SMIM31: variants seen among roughly 807,000 people sequenced by gnomAD.
SMIM31 encodes human epithelial cell program regulator.
rs187865180 is a variant in SMIM31, at chr4:164,798,266, C to T, written c.113-2825C>T. 1.4e-3 allele frequency among the ~76,000 whole-genome samples: 208 copies of T among 150,866 alleles called. 1 individual carries two copies. The highest frequency in any genetic ancestry group is 4.9e-3 in the African/African-American group (200 of 40,874). ...TTATTTTTTTTGAGACGGAGTCTCGCTCTGTCGCCCAGTCTGGAGTGCAAT... is the reference window on the plus strand; with the variant it reads ...TTATTTTTTTTGAGACGGAGTCTCGTTCTGTCGCCCAGTCTGGAGTGCAAT... On this transcript the variant is annotated intron_variant, in intron 2 of 2. Coordinates refer to ENST00000507311, the MANE Select transcript of SMIM31 (RefSeq NM_001352885.1).
At chr4:164,757,360 G>A (rs1416133832) in intron 1 of SMIM31, among the ~76,000 whole-genome samples, 1 of 152,118 alleles carries the variant, frequency 6.6e-6, no homozygotes, top group Non-Finnish European at 1.5e-5. Flanking sequence ...TCCCCAATCT[G>A]AGCCTTGCCT....
At chr4:164,758,116 T>C (rs1456947978) in intron 1 of SMIM31, among the ~76,000 whole-genome samples, 1 of 152,110 alleles carries the variant, frequency 6.6e-6, no homozygotes, top group Non-Finnish European at 1.5e-5. Context: ...TCTCTATTTT[T>C]GTTAATTTAT....
At chr4:164,798,234 T>A (rs937570543) in intron 2 of SMIM31, among the ~76,000 whole-genome samples, 7 of 148,970 alleles carry the variant, frequency 4.7e-5, no homozygotes, top group Middle Eastern at 3.5e-3. Flanking sequence ...ATTTTTATTT[T>A]TTTTTTTTAT....
At chr4:164,783,160 G>A (rs1001001277) in intron 2 of SMIM31, among the ~76,000 whole-genome samples, 25 of 148,776 alleles carry the variant, frequency 1.7e-4, no homozygotes, top group Non-Finnish European at 3.0e-4. Flanking sequence ...GGAGGTTGTG[G>A]TGAGCCGAGA....
intron 2 of SMIM31, among the ~76,000 whole-genome samples, chr4:164,790,706 CT>C (rs1733088384): frequency 6.6e-6 from 1 of 152,188 alleles, no homozygotes; most frequent in South Asian, 2.1e-4. Context: ...ATAATAAATA[CT>C]TTTCATTAGT....
At chr4:164,767,206 G>A (rs2110927942) in intron 1 of SMIM31, among the ~76,000 whole-genome samples, 1 of 152,278 alleles carries the variant, frequency 6.6e-6, no homozygotes, top group East Asian at 1.9e-4. Flanking sequence ...GATGCTAAAG[G>A]ATAGTAGGAA....
At chr4:164,766,123 C>A (rs1405292579) in intron 1 of SMIM31, among the ~76,000 whole-genome samples, 2 of 152,146 alleles carry the variant, frequency 1.3e-5, no homozygotes, top group South Asian at 4.1e-4. Context: ...AAACACATCT[C>A]CCCCGTGAGG....
chr4:164,803,591 T>C lies in SMIM31; in HGVS notation c.*2397T>C, dbSNP rs1257075546. 1 of 152,024 alleles carries C rather than the reference T, an allele frequency of 6.6e-6. No homozygotes were observed. Among genetic ancestry groups the C allele is most frequent in the African/African-American group, 2.4e-5 (1 of 41,368 alleles). The allele number at this position is 152,024 out of a possible 1,614,324, so 9.4% of individuals were successfully genotyped here. A position where few individuals can be genotyped will look rare whatever the true frequency, so the allele number is the denominator to read the frequency against. ...GGGTGGATCACCTGAGGTCAAGAGT[T>C]AGAGACCAGCCTGGCCAAGATGGTG... On this transcript the variant is annotated 3_prime_UTR_variant, in exon 3 of 3. Coordinates refer to ENST00000507311, the MANE Select transcript of SMIM31 (RefSeq NM_001352885.1).
chr4:164,797,603 A>G (rs1733218429), intron 2 of SMIM31, among the ~76,000 whole-genome samples: 1 of 151,684 alleles, frequency 6.6e-6, no homozygotes, highest in Admixed American at 6.6e-5. Context: ...GGCTGGAACT[A>G]CAGGTGCGTG....
intron 1 of SMIM31, among the ~76,000 whole-genome samples, chr4:164,755,542 AGGGG>A (rs1195315975): frequency 0.47 from 802 of 1,718 alleles, 92 homozygotes; most frequent in African/African-American, 0.53. Context: ...AGAGGAGAGG[AGGGG>A]AGGGGAGGGG....
At chr4:164,790,541 G>A (rs945552869) in intron 2 of SMIM31, among the ~76,000 whole-genome samples, 3 of 152,046 alleles carry the variant, frequency 2.0e-5, no homozygotes, top group African/African-American at 7.2e-5. Flanking sequence ...ATTAGGCTTA[G>A]TTTTCATTCT....
Position 164,788,478 on chromosome 4 carries a change from C to CTTTTTTTTTTTTTTT in SMIM31, c.113-12599_113-12585dup, listed in dbSNP as rs72177805. Among the ~76,000 whole-genome samples the CTTTTTTTTTTTTTTT allele has an allele frequency of 5.0e-3, 289 of 58,184 alleles. 61 individuals are homozygous for CTTTTTTTTTTTTTTT. The highest frequency in any genetic ancestry group is 6.3e-3 in the Non-Finnish European group (197 of 31,088). 38.2% of individuals were successfully genotyped at this position (58,184 alleles called of 152,430 possible). A position where few individuals can be genotyped will look rare whatever the true frequency, so the allele number is the denominator to read the frequency against. ...ATAAAATTTCTTTCTTCTAATTTTT[C>CTTTTTTTTTTTTTTT]TTTTTTTTTTTTTTTTTTTTTTTTT... On this transcript the variant is annotated intron_variant, in intron 2 of 2. Transcript: ENST00000507311.
chr4:164,755,958 C>T (rs971265222), intron 1 of SMIM31, among the ~76,000 whole-genome samples: 2 of 152,168 alleles, frequency 1.3e-5, no homozygotes, highest in South Asian at 4.1e-4. Context: ...GGCTTCTTTA[C>T]ATATTATCAT....
chr4:164,755,851 T>C (rs1732554317), intron 1 of SMIM31, among the ~76,000 whole-genome samples: 1 of 152,136 alleles, frequency 6.6e-6, no homozygotes, highest in African/African-American at 2.4e-5. Flanking sequence ...CACGTTGTTA[T>C]GAAAATTGTT....
At chr4:164,755,776 T>C (rs1006448044) in intron 1 of SMIM31, among the ~76,000 whole-genome samples, 1 of 152,016 alleles carries the variant, frequency 6.6e-6, no homozygotes, top group African/African-American at 2.4e-5. Flanking sequence ...AGACTAGCAA[T>C]TACATCATCA....
In SMIM31 at chr4:164,773,904, C is replaced by T. The variant is rs1456574373; in HGVS notation, c.112+3349C>T. 5.3e-5 allele frequency among the ~76,000 whole-genome samples: 8 copies of T among 152,132 alleles called. No individual in the cohort carries two copies. The East Asian group carries it at 5.8e-4, about 11-fold the overall frequency. ...TCATCTGGCTGGGTGCGGTGGCTCA[C>T]GCCTGTAATCCCAGCACTTTGGGAG... On this transcript the variant is annotated intron_variant, in intron 2 of 2. Transcript: ENST00000507311.
intron 1 of SMIM31, among the ~76,000 whole-genome samples, chr4:164,759,082 T>C (rs1732612191): frequency 6.6e-6 from 1 of 152,056 alleles, no homozygotes; most frequent in Non-Finnish European, 1.5e-5. Context: ...AGTATCCTTT[T>C]ATGTACATTG....
intron 2 of SMIM31, among the ~76,000 whole-genome samples, chr4:164,783,377 T>C (rs1433785915): frequency 6.7e-6 from 1 of 149,604 alleles, no homozygotes; most frequent in Non-Finnish European, 1.5e-5. Context: ...CACAAAAATT[T>C]GCCAGGCATG....
At chr4:164,800,349 A>G (rs567925617) in intron 2 of SMIM31, among the ~76,000 whole-genome samples, 53 of 151,824 alleles carry the variant, frequency 3.5e-4, no homozygotes, top group Non-Finnish European at 6.5e-4. Flanking sequence ...AGCTGGTATT[A>G]CAGACGCGCC....
Sources: allele counts gnomAD v4.1 joint callset (sites outside exome capture counted in the v4.1 genomes callset), GRCh38; gene constraint gnomAD v4.1.1; transcripts MANE v1.5; gene names NCBI Gene and HGNC (gene_info 2026-07-23, HGNC 2026-07-21).